Variants in SEMA5A observed in about 807,000 individuals in gnomAD.
SEMA5A encodes the protein semaphorin 5A, also known as semaphorin-5A.
SEMA5A carries 55 observed loss-of-function variants against 135.5 expected under a neutral mutation model. The ratio of observed to expected loss-of-function variants is 0.41; its 90% confidence interval spans 0.33 to 0.51. The LOEUF (loss-of-function observed/expected upper bound fraction) is 0.51, where lower values mean the gene tolerates loss of function less well. Among genes scored for constraint, SEMA5A ranks in the 20% least tolerant of loss-of-function variants. SEMA5A has a pLI of 0.37. For missense variants in SEMA5A, 1,290 were observed against 1,419.9 expected, an observed-to-expected ratio of 0.91 and a Z score of 1.47; for synonymous variants, 580 against 546.5, an observed-to-expected ratio of 1.06 and a Z score of -0.85.
intron 2 of SEMA5A, among the ~76,000 whole-genome samples, chr5:9,417,588 A>T (rs1431882822): frequency 6.6e-6 from 1 of 152,244 alleles, no homozygotes; most frequent in African/African-American, 2.4e-5. Context: ...AAGAATGATC[A>T]TGAAGGTTCA....
chr5:9,123,360 GC>G (rs1339430506), intron 13 of SEMA5A, among the ~76,000 whole-genome samples: 1 of 146,112 alleles, frequency 6.8e-6, no homozygotes, highest in East Asian at 2.0e-4. Context: ...TGAGGAAGAA[GC>G]AGGGAGGGAG....
intron 3 of SEMA5A, among the ~76,000 whole-genome samples, chr5:9,375,931 T>C (rs1262720082): frequency 6.6e-6 from 1 of 152,072 alleles, no homozygotes; most frequent in African/African-American, 2.4e-5. Flanking sequence ...ACCCCTCTTA[T>C]CTGCTTTCTC....
At chr5:9,108,369 C>G (rs904331233) in intron 15 of SEMA5A, 82 bp from the exon 16 acceptor site, 105 of 1,523,462 alleles carry the variant, frequency 6.9e-5, no homozygotes, top group Non-Finnish European at 8.8e-5. Flanking sequence ...ATCCCTGCAC[C>G]AGATGTTGAA....
At chr5:9,199,201 T>G (rs1227173764) in intron 9 of SEMA5A, among the ~76,000 whole-genome samples, 1 of 152,172 alleles carries the variant, frequency 6.6e-6, no homozygotes, top group Non-Finnish European at 1.5e-5. Context: ...TGACCTGGGC[T>G]CTGGTGTCAC....
chr5:9,373,479 T>C (rs931380426), intron 3 of SEMA5A, among the ~76,000 whole-genome samples: 1 of 152,174 alleles, frequency 6.6e-6, no homozygotes, highest in African/African-American at 2.4e-5. Context: ...ATTCCCTCCA[T>C]GCCCTTCCCA....
intron 5 of SEMA5A, among the ~76,000 whole-genome samples, chr5:9,279,140 C>T (rs1238062635): frequency 6.6e-6 from 1 of 152,222 alleles, no homozygotes; most frequent in Non-Finnish European, 1.5e-5. Context: ...TGCAAAGCCA[C>T]AGGGGCAGAG....
chr5:9,377,834 G>A (rs1381867017), intron 3 of SEMA5A, among the ~76,000 whole-genome samples: 4 of 152,118 alleles, frequency 2.6e-5, no homozygotes, highest in African/African-American at 7.2e-5. Context: ...AGACCTGTGG[G>A]CACCTTTGGT....
intron 8 of SEMA5A, among the ~76,000 whole-genome samples, chr5:9,220,565 A>C (rs28405269): frequency 0.023 from 3,455 of 152,316 alleles, 138 homozygotes; most frequent in African/African-American, 0.077. Context: ...AACAAAAAAA[A>C]TTTGGTATAG....
intron 5 of SEMA5A, among the ~76,000 whole-genome samples, chr5:9,283,581 T>C (rs13174696): frequency 0.36 from 54,771 of 152,076 alleles, 10,473 homozygotes; most frequent in East Asian, 0.47. Flanking sequence ...CCCTTACTCT[T>C]ACCATATAAG....
chr5:9,393,340 T>C (rs1004432807), intron 2 of SEMA5A, among the ~76,000 whole-genome samples: 1 of 152,216 alleles, frequency 6.6e-6, no homozygotes, highest in African/African-American at 2.4e-5. Flanking sequence ...CCTGACTGTC[T>C]CCTTTTTCAG....
chr5:9,184,209 T>A (rs574032923), intron 11 of SEMA5A, among the ~76,000 whole-genome samples: 4 of 152,144 alleles, frequency 2.6e-5, no homozygotes, highest in Non-Finnish European at 5.9e-5. Context: ...CACAGATTTA[T>A]ACAGCTGCAG....
chr5:9,153,612 G>GC (rs1275059031), intron 12 of SEMA5A, among the ~76,000 whole-genome samples: 3 of 61,494 alleles, frequency 4.9e-5, no homozygotes, highest in Admixed American at 4.8e-4. Context: ...TGGCGGGGGA[G>GC]GGGGGGGTGT....
At chr5:9,203,183 A>G (rs915506066) in intron 8 of SEMA5A, among the ~76,000 whole-genome samples, 1 of 152,226 alleles carries the variant, frequency 6.6e-6, no homozygotes, top group Non-Finnish European at 1.5e-5. Flanking sequence ...TCTAATCACA[A>G]GGTTTTATTC....
intron 8 of SEMA5A, among the ~76,000 whole-genome samples, chr5:9,223,577 C>A (rs534955558): frequency 6.6e-6 from 1 of 152,326 alleles, no homozygotes; most frequent in Non-Finnish European, 1.5e-5. Context: ...ACAACTAAGA[C>A]AATTTGGCCC....
intron 8 of SEMA5A, among the ~76,000 whole-genome samples, chr5:9,207,112 A>ATATATATATATATATATG (rs1554003348): frequency 1.7e-4 from 14 of 84,798 alleles, no homozygotes; most frequent in African/African-American, 4.6e-4. Context: ...GTATATATAT[A>ATATATATATATATATATG]TATATATATA....
At chr5:9,350,424 A>G (rs987648876) in intron 3 of SEMA5A, among the ~76,000 whole-genome samples, 2 of 152,204 alleles carry the variant, frequency 1.3e-5, no homozygotes, top group African/African-American at 4.8e-5. Context: ...GCTGGGAAAT[A>G]ATATCTAAGC....
chr5:9,141,199 A>G (rs566979456), intron 12 of SEMA5A, among the ~76,000 whole-genome samples: 33 of 152,314 alleles, frequency 2.2e-4, no homozygotes, highest in South Asian at 1.2e-3. Context: ...AATCTATTAC[A>G]CAATTTTATT....
intron 12 of SEMA5A, among the ~76,000 whole-genome samples, chr5:9,141,895 C>A (rs1382546230): frequency 1.3e-5 from 2 of 152,124 alleles, no homozygotes; most frequent in African/African-American, 4.8e-5. Flanking sequence ...CACTAATTAT[C>A]ATTAGGTCAG....
chr5:9,315,390 A>G (rs1752346140), intron 5 of SEMA5A, among the ~76,000 whole-genome samples: 1 of 152,210 alleles, frequency 6.6e-6, no homozygotes. Flanking sequence ...ACAGTTATCA[A>G]AATCAACAAA....
Sources: gnomAD v4.1 joint callset for allele counts (sites outside exome capture counted in the v4.1 genomes callset) on GRCh38, gnomAD v4.1.1 for gene constraint, MANE v1.5 for transcripts, NCBI Gene and HGNC (gene_info 2026-07-23, HGNC 2026-07-21) for gene names.